Variants in WDR3 observed in about 807,000 individuals in gnomAD.
WDR3 encodes WD repeat domain 3.
WDR3 carries 81 observed loss-of-function variants against 123.7 expected under a neutral mutation model. That is an observed-to-expected ratio of 0.65 (90% confidence interval 0.55 to 0.79). WDR3 has a LOEUF of 0.79. Ranked by LOEUF, WDR3 falls within the 30% of genes least tolerant of loss-of-function variation. The probability of loss-of-function intolerance (pLI) is 0.00; values close to 1 mark genes in which losing one functional copy is unlikely to be tolerated. For missense variants in WDR3, 1,027 were observed against 1,123.2 expected (o/e 0.91, Z 1.22); for synonymous variants, 390 against 388.8 (o/e 1.00, Z -0.04).
chr1:117,940,930 C>A lies in WDR3; in HGVS notation c.779C>A (p.Ala260Asp). The A allele has an allele frequency of 6.2e-7, 1 of 1,609,722 alleles. No homozygotes were observed. Among genetic ancestry groups the A allele is most frequent in the Non-Finnish European group, 8.5e-7 (1 of 1,178,808 alleles). ...GATGGTGCCTTTGAGACGGATGAAG[C>A]CCCTGAGGATGTAATTCATTTTCAT... is the stretch of plus-strand genomic sequence containing the variant. ...AEDGAFETDE[A>D]PEDRILSCRK... The change falls in exon 7 of 27, where the codon GCC becomes GAC. Residue 260 changes from alanine to aspartate, a missense_variant. By Grantham distance (126) the Ala-to-Asp change is moderately radical. Coordinates refer to ENST00000349139, the MANE Select transcript of WDR3 (RefSeq NM_006784.3).
rs55743091 is a variant in WDR3, at chr1:117,946,940, C to CAA, written c.1422+781_1422+782dup. Among the ~76,000 whole-genome samples, 312 of 77,132 alleles carry CAA rather than the reference C, an allele frequency of 4.0e-3. 4 individuals are homozygous for CAA. The highest frequency in any genetic ancestry group is 0.013 in the East Asian group (35 of 2,762). 50.6% of individuals were successfully genotyped at this position (77,132 alleles called of 152,430 possible). On this transcript the variant is annotated intron_variant, in intron 12 of 26. Transcript: ENST00000349139. ...TGGGTGACAGAGCAAGACTCCATCTCAAAAAAAAAAAAAAAAAAAAATGAG... is the reference window on the plus strand; with the variant it reads ...TGGGTGACAGAGCAAGACTCCATCTCAAAAAAAAAAAAAAAAAAAAAAATGAG...
intron 3 of WDR3, among the ~76,000 whole-genome samples, chr1:117,936,408 AATTG>A (rs1173742082): frequency 6.6e-6 from 1 of 152,158 alleles, no homozygotes; most frequent in Non-Finnish European, 1.5e-5. Flanking sequence ...ATTACTTTAG[AATTG>A]ATTATTATGT....
In WDR3 at chr1:117,938,379, C is replaced by G. The variant is rs544679075; in HGVS notation, c.501-101C>G. Reference sequence around the variant, plus strand: ...ATCGGAGCTTTAGACATTATTGAAGCATATGTTCCTTTTAAAGCAACAGTG... The same window carrying G: ...ATCGGAGCTTTAGACATTATTGAAGGATATGTTCCTTTTAAAGCAACAGTG... On this transcript the variant is annotated intron_variant, in intron 4 of 26. Transcript: ENST00000349139. The G allele has an allele frequency of 2.9e-5, 25 of 851,690 alleles. No individual in the cohort carries two copies. In the Middle Eastern group the frequency reaches 2.4e-3, roughly 82 times the overall value. The allele number at this position is 851,690 out of a possible 1,614,324, so 52.8% of individuals were successfully genotyped here.
chr1:117,935,818 G>A (rs528566485), intron 3 of WDR3, among the ~76,000 whole-genome samples: 2 of 151,960 alleles, frequency 1.3e-5, no homozygotes, highest in Non-Finnish European at 2.9e-5. Flanking sequence ...TGAAACATTT[G>A]TACATTAAAA....
chr1:117,941,496 C>G (rs1254186553), intron 8 of WDR3, among the ~76,000 whole-genome samples: 1 of 152,008 alleles, frequency 6.6e-6, no homozygotes, highest in African/African-American at 2.4e-5. Context: ...TATTAGCAAC[C>G]ATTTATTAAA....
chr1:117,957,857 A>G (rs776908921), intron 25 of WDR3, among the ~76,000 whole-genome samples: 19 of 152,206 alleles, frequency 1.2e-4, no homozygotes, highest in Admixed American at 3.9e-4. Context: ...CCAACATTTT[A>G]AGAAAGTCAG....
rs563397727 is a variant in WDR3 at position 117,950,476 on chromosome 1, A to G, written c.1746+346A>G. 1.0e-3 allele frequency among the ~76,000 whole-genome samples: 155 copies of G among 152,306 alleles called. 2 individuals are homozygous for G. The highest frequency in any genetic ancestry group is 3.6e-3 in the African/African-American group (148 of 41,570). ...GATCATCTAGGTTGCTTTTAAAAATATAGATTACTGAGCCCTATACCCAGA... is the reference window on the plus strand; with the variant it reads ...GATCATCTAGGTTGCTTTTAAAAATGTAGATTACTGAGCCCTATACCCAGA... On this transcript the variant is annotated intron_variant, in intron 15 of 26. Coordinates refer to ENST00000349139, the MANE Select transcript of WDR3 (RefSeq NM_006784.3).
intron 1 of WDR3, 91 bp from the exon 2 acceptor site, chr1:117,933,197 C>G: frequency 9.0e-7 from 1 of 1,115,496 alleles, no homozygotes; most frequent in Admixed American, 2.5e-5. Context: ...GAGTGAGACT[C>G]TGTCTCAAAA....
At chr1:117,933,245 C>G (rs1332556638) in intron 1 of WDR3, 43 bp from the exon 2 acceptor site, 10 of 1,550,112 alleles carry the variant, frequency 6.5e-6, no homozygotes, top group African/African-American at 1.4e-5. Flanking sequence ...CTAGTAGAAC[C>G]AAGGCACCCA....
chr1:117,949,709 A>T, intron 13 of WDR3, 42 bp from the exon 14 acceptor site: 1 of 1,593,614 alleles, frequency 6.3e-7, no homozygotes, highest in Non-Finnish European at 8.6e-7. Flanking sequence ...CAAAGTTTTT[A>T]TGCTAAAATA....
chr1:117,937,421 G>A (rs149852300), intron 4 of WDR3, among the ~76,000 whole-genome samples: 2,028 of 152,196 alleles, frequency 0.013, 24 homozygotes, highest in Admixed American at 0.03. Flanking sequence ...CCTAGGAAAA[G>A]CTGGGATACC....
chr1:117,942,722 T>G (rs986745969), intron 10 of WDR3, among the ~76,000 whole-genome samples, 178 bp downstream of exon 10: 1 of 152,144 alleles, frequency 6.6e-6, no homozygotes, highest in African/African-American at 2.4e-5. Context: ...TTTTGTCTTG[T>G]ATTTGGATTA....
Position 117,938,357 on chromosome 1 carries a change from G to C in WDR3, c.501-123G>C, listed in dbSNP as rs897653222. The C allele has an allele frequency of 4.5e-6, 3 of 669,624 alleles. No homozygotes were observed. In the African/African-American group the frequency reaches 5.5e-5, roughly 12 times the overall value. 41.5% of individuals were successfully genotyped at this position (669,624 alleles called of 1,614,324 possible). A position where few individuals can be genotyped will look rare whatever the true frequency, so the allele number is the denominator to read the frequency against. On this transcript the variant is annotated intron_variant, in intron 4 of 26. Coordinates refer to ENST00000349139, the MANE Select transcript of WDR3 (RefSeq NM_006784.3). ...TTCAAAAGTAAGATCAGAGAGAATC[G>C]GAGCTTTAGACATTATTGAAGCATA...
chr1:117,964,995 C>T lies in WDR3; in HGVS notation c.*5548C>T, dbSNP rs1489667319. The T allele has an allele frequency of 6.6e-6, 1 of 152,184 alleles. No homozygotes were observed. Among genetic ancestry groups the T allele is most frequent in the Non-Finnish European group, 1.5e-5 (1 of 68,044 alleles). 9.4% of individuals were successfully genotyped at this position (152,184 alleles called of 1,614,324 possible). On this transcript the variant is annotated 3_prime_UTR_variant, in exon 27 of 27. Coordinates refer to ENST00000349139, the MANE Select transcript of WDR3 (RefSeq NM_006784.3). ...ATATCTTCTGCTCCACTCTCTTCAG[C>T]CTACAAACATGTAGGTCTACATTAA...
intron 6 of WDR3, among the ~76,000 whole-genome samples, chr1:117,939,891 A>G (rs913971832): frequency 2.0e-5 from 3 of 152,308 alleles, no homozygotes; most frequent in African/African-American, 7.2e-5. Context: ...CCTCAAATAT[A>G]TATGTAGAAT....
At position 117,962,968 on chromosome 1, in the gene WDR3, A is replaced by G. The variant is rs924257084; in HGVS notation, c.*3521A>G. The G allele has an allele frequency of 9.9e-5, 15 of 152,258 alleles. No individual in the cohort carries two copies. The highest frequency in any genetic ancestry group is 2.4e-4 in the African/African-American group (10 of 41,476). The allele number at this position is 152,258 out of a possible 1,614,324, so 9.4% of individuals were successfully genotyped here. A position where few individuals can be genotyped will look rare whatever the true frequency, so the allele number is the denominator to read the frequency against. ...CATTGGCTTACAGTTACTGTCTGCA[A>G]TCCACCCCCATTCCTCACAATTTAA... is the stretch of plus-strand genomic sequence containing the variant. On this transcript the variant is annotated 3_prime_UTR_variant, in exon 27 of 27. Coordinates refer to ENST00000349139, the MANE Select transcript of WDR3 (RefSeq NM_006784.3).
At chr1:117,949,077 T>C (rs1157393826) in intron 13 of WDR3, among the ~76,000 whole-genome samples, 1 of 152,176 alleles carries the variant, frequency 6.6e-6, no homozygotes, top group African/African-American at 2.4e-5. Context: ...TAGAACTTAG[T>C]TTTGGAAAAA....
intron 12 of WDR3, 84 bp downstream of exon 12, chr1:117,946,263 A>G (rs772167534): frequency 3.7e-6 from 4 of 1,078,136 alleles, no homozygotes; most frequent in Non-Finnish European, 5.3e-6. Context: ...TCTTTTTAGC[A>G]TATTGGAAAT....
At chr1:117,931,224 C>T (rs1218987027) in intron 1 of WDR3, among the ~76,000 whole-genome samples, 1 of 152,142 alleles carries the variant, frequency 6.6e-6, no homozygotes, top group Admixed American at 6.5e-5. Context: ...CATACCAGGT[C>T]CTTATGGATA....
Sources: allele counts gnomAD v4.1 joint callset (sites outside exome capture counted in the v4.1 genomes callset), GRCh38; gene constraint gnomAD v4.1.1; transcripts MANE v1.5; gene names NCBI Gene and HGNC (gene_info 2026-07-23, HGNC 2026-07-21).